The following TMCC1 variants were observed in gnomAD, a reference collection of about 807,000 sequenced individuals.
TMCC1 encodes the protein transmembrane and coiled-coil domains protein 1.
TMCC1 carries 15 observed loss-of-function variants against 52.4 expected under a neutral mutation model. The observed-to-expected ratio is 0.29, with a 90% confidence interval of 0.19 to 0.44. TMCC1 has a LOEUF of 0.44. TMCC1 is among the 20% of genes least tolerant of loss of function. The pLI is 1.00. For synonymous variants in TMCC1, 279 were observed against 301.9 expected, an observed-to-expected ratio of 0.92 and a Z score of 0.79; for missense variants, 503 against 806.0, an observed-to-expected ratio of 0.62 and a Z score of 4.55.
At chr3:129,778,000 T>C (rs573152786) in intron 4 of TMCC1, among the ~76,000 whole-genome samples, 38 of 152,314 alleles carry the variant, frequency 2.5e-4, no homozygotes, top group Admixed American at 9.1e-4. Flanking sequence ...CTGCTTCGGT[T>C]GTTGCCTAAA....
intron 4 of TMCC1, among the ~76,000 whole-genome samples, chr3:129,676,153 C>G (rs2088427828): frequency 6.6e-6 from 1 of 152,020 alleles, no homozygotes; most frequent in Non-Finnish European, 1.5e-5. Flanking sequence ...AGCAGCAGTC[C>G]CAGCTACTCA....
chr3:129,707,750 G>C (rs1210956080), intron 4 of TMCC1, among the ~76,000 whole-genome samples: 2 of 152,016 alleles, frequency 1.3e-5, no homozygotes, highest in Non-Finnish European at 2.9e-5. Flanking sequence ...TGGCTAACAC[G>C]GTGAAACCCC....
At chr3:129,657,716 A>T (rs73863688) in intron 5 of TMCC1, among the ~76,000 whole-genome samples, 4 of 152,178 alleles carry the variant, frequency 2.6e-5, no homozygotes, top group Non-Finnish European at 5.9e-5. Context: ...TGGGAGAAGG[A>T]GGAGTATAAT....
chr3:129,705,331 AGT>A (rs781625360), intron 4 of TMCC1, among the ~76,000 whole-genome samples: 2 of 152,104 alleles, frequency 1.3e-5, no homozygotes, highest in Non-Finnish European at 2.9e-5. Flanking sequence ...CCTCCTCTCA[AGT>A]CTTTGTGACA....
chr3:129,760,461 T>TGTGTGTGG (rs2053458175), intron 4 of TMCC1, among the ~76,000 whole-genome samples: 1 of 76,142 alleles, frequency 1.3e-5, no homozygotes, highest in Admixed American at 1.4e-4. Context: ...GCTCTGTGTG[T>TGTGTGTGG]GTGTGTGTGT....
intron 4 of TMCC1, among the ~76,000 whole-genome samples, chr3:129,710,950 C>T (rs934720767): frequency 6.6e-6 from 1 of 152,140 alleles, no homozygotes; most frequent in Non-Finnish European, 1.5e-5. Flanking sequence ...CTGCAACCTC[C>T]GCCTCCCAGT....
At chr3:129,676,771 T>A (rs1384553235) in intron 4 of TMCC1, among the ~76,000 whole-genome samples, 2 of 152,224 alleles carry the variant, frequency 1.3e-5, no homozygotes, top group Non-Finnish European at 2.9e-5. Context: ...ACCTACTTGT[T>A]CTCTTTCAAC....
chr3:129,703,716 A>G (rs1181167504), intron 4 of TMCC1, among the ~76,000 whole-genome samples: 2 of 152,216 alleles, frequency 1.3e-5, no homozygotes, highest in Non-Finnish European at 2.9e-5. Flanking sequence ...ACACCAGTAT[A>G]GAGCATATAC....
chr3:129,751,073 C>T (rs187878006), intron 4 of TMCC1, among the ~76,000 whole-genome samples: 16 of 152,026 alleles, frequency 1.1e-4, no homozygotes, highest in African/African-American at 1.7e-4. Context: ...TGGTGGCACA[C>T]GCCTGTAGTC....
chr3:129,831,799 T>C (rs2058929393), intron 3 of TMCC1, among the ~76,000 whole-genome samples: 1 of 152,222 alleles, frequency 6.6e-6, no homozygotes, highest in South Asian at 2.1e-4. Flanking sequence ...CTGTATGTCT[T>C]ACAGAGGCTC....
chr3:129,789,504 G>A (rs182776281), intron 4 of TMCC1, among the ~76,000 whole-genome samples: 178 of 151,682 alleles, frequency 1.2e-3, no homozygotes, highest in African/African-American at 3.7e-3. Flanking sequence ...TTTTTGAGAC[G>A]GAGTCTCGCT....
At chr3:129,795,013 G>A (rs972073267) in intron 4 of TMCC1, among the ~76,000 whole-genome samples, 4 of 152,158 alleles carry the variant, frequency 2.6e-5, no homozygotes, top group African/African-American at 4.8e-5. Context: ...GCAGCTGTGC[G>A]GCTTTGTCTA....
intron 4 of TMCC1, among the ~76,000 whole-genome samples, chr3:129,755,717 A>C (rs1035997973): frequency 6.6e-6 from 1 of 152,234 alleles, no homozygotes; most frequent in African/African-American, 2.4e-5. Context: ...TAGAATACCC[A>C]AAATCCAGAA....
intron 4 of TMCC1, among the ~76,000 whole-genome samples, chr3:129,739,677 C>T (rs895629692): frequency 2.0e-5 from 3 of 152,150 alleles, no homozygotes; most frequent in African/African-American, 7.2e-5. Context: ...ATTTTTGTCA[C>T]AAGTTGGTCA....
chr3:129,864,185 T>C (rs541395619), intron 2 of TMCC1, among the ~76,000 whole-genome samples: 7 of 152,196 alleles, frequency 4.6e-5, no homozygotes, highest in Admixed American at 2.0e-4. Flanking sequence ...GGAGCCCACA[T>C]AGGCCTCAAC....
intron 2 of TMCC1, among the ~76,000 whole-genome samples, chr3:129,863,485 C>T (rs976559286): frequency 2.0e-5 from 3 of 151,916 alleles, no homozygotes; most frequent in African/African-American, 7.3e-5. Flanking sequence ...TGAGATTCTA[C>T]TGAGAAGGTG....
At chr3:129,725,994 T>C (rs573227006) in intron 4 of TMCC1, among the ~76,000 whole-genome samples, 20 of 152,226 alleles carry the variant, frequency 1.3e-4, no homozygotes, top group Middle Eastern at 3.4e-3. Flanking sequence ...TGAACCAGGA[T>C]AGGAATAGAA....
At chr3:129,841,082 C>T (rs2059404337) in intron 2 of TMCC1, among the ~76,000 whole-genome samples, 1 of 152,172 alleles carries the variant, frequency 6.6e-6, no homozygotes, top group African/African-American at 2.4e-5. Flanking sequence ...ACAATGAATC[C>T]AGGCTGAAGT....
chr3:129,681,919 A>C (rs191703482), intron 4 of TMCC1, among the ~76,000 whole-genome samples: 2 of 151,294 alleles, frequency 1.3e-5, no homozygotes, highest in African/African-American at 4.8e-5. Flanking sequence ...AAAAAAAAAA[A>C]ATTTTTAATT....
Sources: allele counts gnomAD v4.1 joint callset (sites outside exome capture counted in the v4.1 genomes callset), GRCh38; gene constraint gnomAD v4.1.1; transcripts MANE v1.5; gene names NCBI Gene and HGNC (gene_info 2026-07-23, HGNC 2026-07-21).